Variants in GRB14 observed in about 807,000 individuals in gnomAD.
GRB14 encodes growth factor receptor bound protein 14, also known as growth factor receptor-bound protein 14.
A neutral mutation model predicts 69.1 loss-of-function variants in GRB14; 38 were observed. The observed-to-expected ratio is 0.55, with a 90% CI of 0.42 to 0.72. The LOEUF (loss-of-function observed/expected upper bound fraction) is 0.72, where lower values mean the gene tolerates loss of function less well. Ranked by LOEUF, GRB14 falls within the 30% of genes least tolerant of loss-of-function variation. The pLI is 0.00. For synonymous variants in GRB14, 247 were observed against 241.3 expected (o/e 1.02, Z -0.22); for missense variants, 666 against 666.1 (o/e 1.00, Z 0.00).
intron 2 of GRB14, among the ~76,000 whole-genome samples, chr2:164,553,298 G>T (rs1688592126): frequency 6.6e-6 from 1 of 152,156 alleles, no homozygotes; most frequent in Non-Finnish European, 1.5e-5. Flanking sequence ...TTCAGACTAT[G>T]TCACTGCAAA....
At position 164,494,483 on chromosome 2, in the gene GRB14, A is replaced by C. The variant is rs775584857; in HGVS notation, c.1424T>G (p.Phe475Cys). The C allele has an allele frequency of 1.6e-5, 25 of 1,604,812 alleles. No individual in the cohort carries two copies. In the South Asian group the frequency reaches 2.6e-4, roughly 17 times the overall value. The change falls in exon 13 of 14, where the codon TTC becomes TGC. Residue 475 changes from phenylalanine (F) to cysteine (C), a missense_variant. Transcript: ENST00000263915. The part of the protein sequence containing the change: ...VRDSQSNPKT[F>C]VLSMSHGQKI... ...TTGTCCATGACTCATTGACAGTACG[A>C]AAGTTTTGGGGTTACTCTGACTATC...
At chr2:164,500,801 A>C (rs1314281377) in intron 9 of GRB14, among the ~76,000 whole-genome samples, 1 of 152,136 alleles carries the variant, frequency 6.6e-6, no homozygotes, top group Non-Finnish European at 1.5e-5. Flanking sequence ...AAGCTACACT[A>C]AACTGTTATC....
chr2:164,544,859 A>G lies in GRB14; in HGVS notation c.481+2801T>C, dbSNP rs529620611. ...CACCAGTTGTCAAATCAGAAGTACA[A>G]ACATTTTCTAAATGGTTCAGGGAAT... On this transcript the variant is annotated intron_variant, in intron 3 of 13. Transcript: ENST00000263915. Among the ~76,000 whole-genome samples, 20 of 152,308 alleles carry G rather than the reference A, an allele frequency of 1.3e-4. No homozygotes were observed. In the South Asian group the frequency reaches 2.9e-3, roughly 22 times the overall value.
intron 9 of GRB14, among the ~76,000 whole-genome samples, chr2:164,500,117 G>A (rs893811647): frequency 3.9e-5 from 6 of 152,086 alleles, no homozygotes; most frequent in African/African-American, 1.4e-4. Flanking sequence ...AAGAGCTTGA[G>A]TAGACTCGCC....
chr2:164,506,877 A>T (rs1003214241), intron 8 of GRB14, among the ~76,000 whole-genome samples: 2 of 152,204 alleles, frequency 1.3e-5, no homozygotes, highest in African/African-American at 4.8e-5. Flanking sequence ...CAGAAACAAA[A>T]GGTCACATAC....
chr2:164,613,073 G>T lies in GRB14; in HGVS notation c.324+6614C>A, dbSNP rs576206451. ...AGTAAGACGTAAGCTCAGGAAAATG[G>T]ACAAGGAAGCTGAGCATCCCTGAAG... On this transcript the variant is annotated intron_variant, in intron 2 of 13. Transcript: ENST00000263915. 1.1e-3 allele frequency among the ~76,000 whole-genome samples: 163 copies of T among 152,236 alleles called. 2 individuals carry two copies. Among genetic ancestry groups the T allele is most frequent in the African/African-American group, 3.8e-3 (157 of 41,542 alleles).
chr2:164,584,021 T>C (rs1279349758), intron 2 of GRB14, among the ~76,000 whole-genome samples: 2 of 151,884 alleles, frequency 1.3e-5, no homozygotes, highest in African/African-American at 2.4e-5. Flanking sequence ...AGTCTTGCTT[T>C]GTCACCCAGG....
chr2:164,571,424 C>T (rs1221145073), intron 2 of GRB14, among the ~76,000 whole-genome samples: 5 of 152,194 alleles, frequency 3.3e-5, no homozygotes, highest in Middle Eastern at 3.4e-3. Flanking sequence ...TCTCCAAAAA[C>T]GAAACTAACA....
chr2:164,555,042 A>G (rs1485514279), intron 2 of GRB14, among the ~76,000 whole-genome samples: 1 of 152,212 alleles, frequency 6.6e-6, no homozygotes, highest in Non-Finnish European at 1.5e-5. Flanking sequence ...GTCAGTATGT[A>G]TCACCTTGCT....
At chr2:164,591,027 A>T (rs1267714801) in intron 2 of GRB14, among the ~76,000 whole-genome samples, 1 of 152,208 alleles carries the variant, frequency 6.6e-6, no homozygotes, top group African/African-American at 2.4e-5. Flanking sequence ...AGCACTAAGA[A>T]ACTGTTTTCA....
At chr2:164,504,249 T>C (rs1373698826) in intron 8 of GRB14, among the ~76,000 whole-genome samples, 2 of 151,172 alleles carry the variant, frequency 1.3e-5, no homozygotes, top group Non-Finnish European at 3.0e-5. Flanking sequence ...TTCTAACAAG[T>C]GGTGTGTGAT....
At chr2:164,606,549 C>A (rs964992138) in intron 2 of GRB14, among the ~76,000 whole-genome samples, 2 of 152,014 alleles carry the variant, frequency 1.3e-5, no homozygotes, top group African/African-American at 4.8e-5. Flanking sequence ...TTCTCTGAAC[C>A]TCTTCTATAT....
intron 8 of GRB14, among the ~76,000 whole-genome samples, chr2:164,504,287 C>T (rs1687134132): frequency 6.6e-6 from 1 of 151,658 alleles, no homozygotes; most frequent in Admixed American, 6.6e-5. Context: ...TCGGTTTAGC[C>T]AAGATAATAT....
chr2:164,612,406 C>T (rs1431879449), intron 2 of GRB14, among the ~76,000 whole-genome samples: 1 of 152,118 alleles, frequency 6.6e-6, no homozygotes, highest in Non-Finnish European at 1.5e-5. Flanking sequence ...AAGAAAAGGA[C>T]AAGAATTAAA....
At chr2:164,543,085 G>A (rs1241717061) in intron 3 of GRB14, among the ~76,000 whole-genome samples, 1 of 151,972 alleles carries the variant, frequency 6.6e-6, no homozygotes, top group African/African-American at 2.4e-5. Context: ...CTGACCTCAG[G>A]AGTTGAATTC....
intron 3 of GRB14, among the ~76,000 whole-genome samples, chr2:164,535,500 T>C (rs191949346): frequency 6.6e-6 from 1 of 152,178 alleles, no homozygotes; most frequent in Non-Finnish European, 1.5e-5. Context: ...TCTCACTTGA[T>C]AAGAGAAGAA....
chr2:164,508,812 C>G lies in GRB14; in HGVS notation c.857G>C (p.Ser286Thr). The change falls in exon 7 of 14, where the codon AGT becomes ACT. Residue 286 changes from serine (S) to threonine (T), a missense_variant. Coordinates refer to ENST00000263915, the MANE Select transcript of GRB14 (RefSeq NM_004490.3). ...HLQFFSEFGNSDIYVSLAGKK... is the reference protein window; with the variant it reads ...HLQFFSEFGNTDIYVSLAGKK... The stretch of plus-strand genomic sequence containing the variant: ...GCCTGCCAGTGACACATAAATATCA[C>G]TATTGCCAAATTCGCTGAAAAACTG... 2 of 1,585,172 alleles carry G rather than the reference C, an allele frequency of 1.3e-6. No individual in the cohort carries two copies. The highest frequency in any genetic ancestry group is 1.7e-6 in the Non-Finnish European group (2 of 1,170,700).
intron 6 of GRB14, among the ~76,000 whole-genome samples, chr2:164,517,700 G>C (rs184788744): frequency 9.2e-5 from 14 of 152,142 alleles, no homozygotes; most frequent in Non-Finnish European, 1.3e-4. Context: ...CACCAAAAGA[G>C]AGCAGGAATA....
chr2:164,567,120 G>C (rs1242365880), intron 2 of GRB14, among the ~76,000 whole-genome samples: 4 of 152,064 alleles, frequency 2.6e-5, no homozygotes, highest in Non-Finnish European at 5.9e-5. Context: ...TTAATGCACT[G>C]CTAAGTCCAA....
Sources: gnomAD v4.1 joint callset for allele counts (sites outside exome capture counted in the v4.1 genomes callset) on GRCh38, gnomAD v4.1.1 for gene constraint, MANE v1.5 for transcripts, NCBI Gene and HGNC (gene_info 2026-07-23, HGNC 2026-07-21) for gene names.